The following EYA2 variants were observed in gnomAD, a reference collection of about 807,000 sequenced individuals.
EYA2 encodes the protein EYA transcriptional coactivator and phosphatase 2.
EYA2 carries 31 observed loss-of-function variants against 69.2 expected under a neutral mutation model. The observed-to-expected ratio is 0.45, with a 90% CI of 0.34 to 0.60. The LOEUF is 0.60. Ranked by LOEUF, EYA2 falls within the 20% of genes least tolerant of loss-of-function variation. The pLI is 0.02. For synonymous variants in EYA2, 257 were observed against 279.4 expected (o/e 0.92, Z 0.80); for missense variants, 622 against 701.2 (o/e 0.89, Z 1.28).
At chr20:46,911,709 C>T (rs1227512001) in intron 1 of EYA2, among the ~76,000 whole-genome samples, 1 of 152,106 alleles carries the variant, frequency 6.6e-6, no homozygotes, top group African/African-American at 2.4e-5. Flanking sequence ...ACACAAATAT[C>T]TCATGTTCCC....
intron 1 of EYA2, among the ~76,000 whole-genome samples, chr20:46,900,092 T>C (rs1434849131): frequency 1.3e-5 from 2 of 152,352 alleles, no homozygotes; most frequent in South Asian, 2.1e-4. Context: ...CTTCTTCTTT[T>C]TTCCTTTTGA....
intron 1 of EYA2, among the ~76,000 whole-genome samples, chr20:46,898,970 G>C (rs1395385925): frequency 6.6e-6 from 1 of 152,174 alleles, no homozygotes; most frequent in African/African-American, 2.4e-5. Flanking sequence ...CTGTTTAATA[G>C]TAATGATGAA....
chr20:47,090,190 C>T (rs765044192), intron 8 of EYA2, among the ~76,000 whole-genome samples: 73 of 151,282 alleles, frequency 4.8e-4, no homozygotes, highest in Non-Finnish European at 1.0e-3. Flanking sequence ...TTCCTGTGTG[C>T]AGCTCAGGCT....
intron 1 of EYA2, among the ~76,000 whole-genome samples, chr20:46,947,561 C>T (rs1351475292): frequency 2.0e-5 from 3 of 152,078 alleles, no homozygotes; most frequent in Non-Finnish European, 4.4e-5. Context: ...AACAAGTAAC[C>T]CCAAATCTGA....
chr20:47,118,461 G>A (rs900241274), intron 9 of EYA2, among the ~76,000 whole-genome samples: 26 of 151,382 alleles, frequency 1.7e-4, no homozygotes, highest in African/African-American at 6.3e-4. Context: ...TGAGGAAGAA[G>A]TTGGAACAGC....
chr20:47,152,729 C>T (rs1248772563), intron 10 of EYA2, among the ~76,000 whole-genome samples: 1 of 150,868 alleles, frequency 6.6e-6, no homozygotes, highest in African/African-American at 2.4e-5. Flanking sequence ...GAGAATCACT[C>T]GAACCCAGGA....
At chr20:46,988,370 A>T (rs1224788552) in intron 1 of EYA2, among the ~76,000 whole-genome samples, 1 of 151,980 alleles carries the variant, frequency 6.6e-6, no homozygotes, top group Non-Finnish European at 1.5e-5. Context: ...TCCAGATGAG[A>T]AAACTTTTGA....
At chr20:47,059,556 G>T (rs2030783626) in intron 5 of EYA2, among the ~76,000 whole-genome samples, 1 of 152,118 alleles carries the variant, frequency 6.6e-6, no homozygotes, top group Non-Finnish European at 1.5e-5. Context: ...TTGCCCTGTT[G>T]GCCAGGCTGG....
At chr20:46,959,564 G>A (rs527529439) in intron 1 of EYA2, among the ~76,000 whole-genome samples, 1 of 152,136 alleles carries the variant, frequency 6.6e-6, no homozygotes, top group Non-Finnish European at 1.5e-5. Context: ...GCCTCCCACG[G>A]CATCCTCCTC....
intron 10 of EYA2, chr20:47,161,037 C>T (rs1316218687): frequency 6.8e-6 from 2 of 292,672 alleles, no homozygotes; most frequent in Non-Finnish European, 1.3e-5. Context: ...CGAAGTTTCC[C>T]AGGGTGGCAG....
intron 10 of EYA2, 41 bp downstream of exon 10, chr20:47,143,189 A>G: frequency 6.7e-7 from 1 of 1,496,116 alleles, no homozygotes; most frequent in Non-Finnish European, 9.3e-7. Flanking sequence ...GCCATGTTTA[A>G]TCACCTGCAT....
At chr20:47,177,000 G>T (rs543123816) in intron 12 of EYA2, among the ~76,000 whole-genome samples, 1 of 152,068 alleles carries the variant, frequency 6.6e-6, no homozygotes, top group Non-Finnish European at 1.5e-5. Context: ...ATTTCACCAC[G>T]TTGGCCAGGC....
At chr20:46,918,541 A>C (rs928666672) in intron 1 of EYA2, among the ~76,000 whole-genome samples, 16 of 152,092 alleles carry the variant, frequency 1.1e-4, no homozygotes, top group African/African-American at 3.9e-4. Flanking sequence ...TCCCGCACTC[A>C]GGCGATCCAT....
At chr20:47,182,628 T>TCAAAAAAAAAAGAAAA (rs779945744) in intron 14 of EYA2, among the ~76,000 whole-genome samples, 1 of 84,340 alleles carries the variant, frequency 1.2e-5, no homozygotes, top group Non-Finnish European at 2.1e-5. Flanking sequence ...AGACTCCGTC[T>TCAAAAAAAAAAGAAAA]AAAAAAAAAA....
chr20:47,078,581 G>A (rs2031611391), intron 7 of EYA2, among the ~76,000 whole-genome samples: 2 of 152,204 alleles, frequency 1.3e-5, no homozygotes, highest in Admixed American at 6.5e-5. Context: ...GCATTGACAT[G>A]CATTAATGTG....
chr20:47,135,813 C>A, intron 9 of EYA2, among the ~76,000 whole-genome samples: 1 of 70,538 alleles, frequency 1.4e-5, no homozygotes, highest in Non-Finnish European at 3.5e-5. Flanking sequence ...GAGACCCTGT[C>A]TCTACAAAAA....
chr20:46,930,178 A>G (rs957676596), intron 1 of EYA2, among the ~76,000 whole-genome samples: 20 of 152,212 alleles, frequency 1.3e-4, no homozygotes, highest in African/African-American at 4.3e-4. Flanking sequence ...ACAGGGCTGG[A>G]GGTGAGATTT....
chr20:47,026,349 A>G (rs1367290575), intron 5 of EYA2, among the ~76,000 whole-genome samples: 1 of 152,232 alleles, frequency 6.6e-6, no homozygotes, highest in Non-Finnish European at 1.5e-5. Flanking sequence ...ATTTTTTATA[A>G]CCTTGGAGTG....
At chr20:47,000,517 T>C (rs1982296938) in intron 2 of EYA2, among the ~76,000 whole-genome samples, 1 of 152,138 alleles carries the variant, frequency 6.6e-6, no homozygotes, top group Non-Finnish European at 1.5e-5. Flanking sequence ...TTGACGCTGT[T>C]CCCATCAGTA....
Sources: gnomAD v4.1 joint callset for allele counts (sites outside exome capture counted in the v4.1 genomes callset) on GRCh38, gnomAD v4.1.1 for gene constraint, MANE v1.5 for transcripts, NCBI Gene and HGNC (gene_info 2026-07-23, HGNC 2026-07-21) for gene names.